CERS6: variants seen among roughly 807,000 people sequenced by gnomAD.
CERS6 encodes ceramide synthase 6, also known as LAG1 homolog, ceramide synthase 6.
In CERS6, 26 loss-of-function variants were observed where a neutral mutation model predicts 56.8. That is an observed-to-expected ratio of 0.46 (90% CI 0.34 to 0.63). CERS6 has a LOEUF of 0.63. CERS6 is among the 30% of genes least tolerant of loss of function. The pLI, the probability that CERS6 is intolerant of heterozygous loss-of-function variation, is 0.01. For synonymous variants in CERS6, 164 were observed against 173.3 expected, an observed-to-expected ratio of 0.95 and a Z score of 0.42; for missense variants, 415 against 467.5, an observed-to-expected ratio of 0.89 and a Z score of 1.04.
intron 3 of CERS6, among the ~76,000 whole-genome samples, chr2:168,593,061 A>G (rs1683712089): frequency 6.6e-6 from 1 of 151,986 alleles, no homozygotes; most frequent in Non-Finnish European, 1.5e-5. Context: ...CCCTTCCTCC[A>G]CTTTGAAAGC....
intron 4 of CERS6, among the ~76,000 whole-genome samples, chr2:168,647,948 T>C (rs1350440466): frequency 6.6e-6 from 1 of 152,194 alleles, no homozygotes; most frequent in Non-Finnish European, 1.5e-5. Context: ...TTGATGTTTA[T>C]CAAGAATATT....
chr2:168,600,025 G>A (rs1329058007), intron 3 of CERS6, among the ~76,000 whole-genome samples: 2 of 152,028 alleles, frequency 1.3e-5, no homozygotes, highest in African/African-American at 2.4e-5. Context: ...TACCTCCTTG[G>A]GTTGTTATAG....
At chr2:168,524,601 G>T (rs966267753) in intron 1 of CERS6, among the ~76,000 whole-genome samples, 2 of 152,146 alleles carry the variant, frequency 1.3e-5, no homozygotes, top group African/African-American at 2.4e-5. Context: ...TATTATTGTT[G>T]CTGTAGCACT....
intron 1 of CERS6, among the ~76,000 whole-genome samples, chr2:168,508,729 AG>A (rs1445688433): frequency 2.0e-5 from 3 of 151,766 alleles, no homozygotes; most frequent in Non-Finnish European, 4.4e-5. Flanking sequence ...GGGGTAGGGG[AG>A]GGGAGAGCAT....
At chr2:168,547,262 G>A (rs2105372242) in intron 1 of CERS6, among the ~76,000 whole-genome samples, 1 of 152,244 alleles carries the variant, frequency 6.6e-6, no homozygotes, top group Admixed American at 6.5e-5. Flanking sequence ...AAGAGTATAA[G>A]TTATATTATT....
At chr2:168,572,889 T>C (rs574134864) in intron 3 of CERS6, among the ~76,000 whole-genome samples, 5 of 152,160 alleles carry the variant, frequency 3.3e-5, no homozygotes, top group Admixed American at 6.5e-5. Context: ...CCCCCCAAAA[T>C]GTCCAGTGAA....
chr2:168,653,388 G>T (rs137987288), intron 4 of CERS6, among the ~76,000 whole-genome samples: 1 of 152,216 alleles, frequency 6.6e-6, no homozygotes, highest in East Asian at 1.9e-4. Flanking sequence ...GATTGCATCA[G>T]GGAACTATTC....
intron 3 of CERS6, among the ~76,000 whole-genome samples, chr2:168,599,334 G>C (rs1683878078): frequency 6.6e-6 from 1 of 152,004 alleles, no homozygotes; most frequent in African/African-American, 2.4e-5. Flanking sequence ...TATTTTTGAG[G>C]TGATTATCCT....
chr2:168,519,826 T>G (rs1185994221), intron 1 of CERS6, among the ~76,000 whole-genome samples: 1 of 152,228 alleles, frequency 6.6e-6, no homozygotes, highest in Non-Finnish European at 1.5e-5. Flanking sequence ...CTTTTTCTAA[T>G]CCACTGTTGA....
chr2:168,465,298 T>C (rs1693851083), intron 1 of CERS6, among the ~76,000 whole-genome samples: 1 of 152,234 alleles, frequency 6.6e-6, no homozygotes, highest in African/African-American at 2.4e-5. Flanking sequence ...ACAGATTTAC[T>C]ATCTGGTTAG....
chr2:168,595,352 G>A (rs13417559), intron 3 of CERS6, among the ~76,000 whole-genome samples: 9,530 of 152,218 alleles, frequency 0.063, 426 homozygotes, highest in Non-Finnish European at 0.093. Context: ...TGTTTAGTCT[G>A]AGCTTTTAGC....
At chr2:168,541,571 T>G (rs1227443857) in intron 1 of CERS6, among the ~76,000 whole-genome samples, 5 of 152,188 alleles carry the variant, frequency 3.3e-5, no homozygotes, top group Admixed American at 6.5e-5. Context: ...TTACTTGTTC[T>G]TCATCAACCT....
In CERS6 at chr2:168,772,263, A is replaced by G. The variant is rs139363583; in HGVS notation, c.*2601A>G. On this transcript the variant is annotated 3_prime_UTR_variant, in exon 10 of 10. Coordinates refer to ENST00000305747, the MANE Select transcript of CERS6 (RefSeq NM_203463.3). ...GGTCACATTCAAACCTTCCCAGAGT[A>G]CAAAGGGGTATGTAGAAAGGATTCC... The G allele has an allele frequency of 3.9e-5, 6 of 152,670 alleles. No homozygotes were observed. The East Asian group carries it at 1.2e-3, about 29-fold the overall frequency. The allele number at this position is 152,670 out of a possible 1,614,324, so 9.5% of individuals were successfully genotyped here.
chr2:168,491,159 G>A (rs1416660767), intron 1 of CERS6, among the ~76,000 whole-genome samples: 1 of 152,174 alleles, frequency 6.6e-6, no homozygotes, highest in Non-Finnish European at 1.5e-5. Flanking sequence ...AACTGCCATT[G>A]TCAGCTTCTC....
chr2:168,495,975 T>G (rs1375425023), intron 1 of CERS6, among the ~76,000 whole-genome samples: 3 of 152,242 alleles, frequency 2.0e-5, no homozygotes, highest in African/African-American at 7.2e-5. Flanking sequence ...TAACCACTAT[T>G]TATTTGTGTC....
rs1484773908 is a variant in CERS6, at chr2:168,475,772, A to G, written c.170+19154A>G. Among the ~76,000 whole-genome samples, 5 of 152,210 alleles carry G rather than the reference A, an allele frequency of 3.3e-5. No homozygotes were observed. In the East Asian group the frequency reaches 9.6e-4, roughly 29 times the overall value. On this transcript the variant is annotated intron_variant, in intron 1 of 9. Transcript: ENST00000305747. The stretch of plus-strand genomic sequence containing the variant: ...GCTCATAGGTCAGGCTGTTAGGCTT[A>G]GTTACAGCAGGCAAACTTTCTCAAG...
At chr2:168,548,157 A>C (rs1695501110) in intron 2 of CERS6, among the ~76,000 whole-genome samples, 1 of 152,194 alleles carries the variant, frequency 6.6e-6, no homozygotes, top group Non-Finnish European at 1.5e-5. Flanking sequence ...CAAAAACAAC[A>C]AGAAGGCATA....
At chr2:168,477,173 C>CAG (rs10609883) in intron 1 of CERS6, among the ~76,000 whole-genome samples, 9,286 of 115,280 alleles carry the variant, frequency 0.081, 517 homozygotes, top group East Asian at 0.14. Flanking sequence ...GAGGGAGAGA[C>CAG]AGAGAGAGAG....
intron 3 of CERS6, among the ~76,000 whole-genome samples, chr2:168,629,506 A>G (rs1047287951): frequency 6.6e-6 from 1 of 152,198 alleles, no homozygotes; most frequent in African/African-American, 2.4e-5. Context: ...AGATCAAAGG[A>G]TATTAACAGA....
Sources: gnomAD v4.1 joint callset for allele counts (sites outside exome capture counted in the v4.1 genomes callset) on GRCh38, gnomAD v4.1.1 for gene constraint, MANE v1.5 for transcripts, NCBI Gene and HGNC (gene_info 2026-07-23, HGNC 2026-07-21) for gene names.